PDZD2: variants seen among roughly 807,000 people sequenced by gnomAD.
PDZD2 encodes the protein PDZ domain containing 2, also known as PDZ domain-containing protein 2.
PDZD2 carries 90 observed loss-of-function variants against 220.7 expected under a neutral mutation model. The ratio of observed to expected loss-of-function variants is 0.41; its 90% confidence interval spans 0.34 to 0.49. PDZD2 has a LOEUF of 0.49. Among genes scored for constraint, PDZD2 ranks in the 20% least tolerant of loss-of-function variants. PDZD2 has a pLI of 0.28. For synonymous variants in PDZD2, 1,375 were observed against 1,450.5 expected, an observed-to-expected ratio of 0.95 and a Z score of 1.18; for missense variants, 3,174 against 3,608.5, an observed-to-expected ratio of 0.88 and a Z score of 3.08.
At chr5:31,675,550 A>G (rs920764362) in intron 1 of PDZD2, among the ~76,000 whole-genome samples, 3 of 152,230 alleles carry the variant, frequency 2.0e-5, no homozygotes, top group African/African-American at 7.2e-5. Flanking sequence ...AATAGAAAAA[A>G]TGCTCCAAGA....
intron 1 of PDZD2, among the ~76,000 whole-genome samples, chr5:31,698,062 C>A (rs1448523821): frequency 7.0e-6 from 1 of 143,094 alleles, no homozygotes; most frequent in Non-Finnish European, 1.5e-5. Context: ...GCCACCGCAC[C>A]CAGCTAATTT....
intron 2 of PDZD2, among the ~76,000 whole-genome samples, chr5:31,979,420 AT>A (rs1020346435): frequency 1.3e-5 from 2 of 151,960 alleles, no homozygotes; most frequent in Non-Finnish European, 2.9e-5. Flanking sequence ...CTCTACTAAG[AT>A]ACAAAAAAAT....
chr5:31,894,256 A>G (rs1741333541), intron 2 of PDZD2, among the ~76,000 whole-genome samples: 1 of 151,746 alleles, frequency 6.6e-6, no homozygotes, highest in South Asian at 2.1e-4. Flanking sequence ...TGGAATTTGC[A>G]CTGAAGTTTC....
intron 1 of PDZD2, among the ~76,000 whole-genome samples, chr5:31,767,684 G>A (rs1418795046): frequency 6.6e-6 from 1 of 152,148 alleles, no homozygotes; most frequent in African/African-American, 2.4e-5. Flanking sequence ...GTTTTCAGAT[G>A]GCCATCTCCT....
In PDZD2 at chr5:31,983,407, C is replaced by T. The variant is rs370344810; in HGVS notation, c.729C>T (p.Ser243=). ...ESKGSAGCEV[S]SDPSTELENG... ...AGGGCAGCGCTGGCTGTGAGGTGTC[C>T]AGTGACCCCAGCACTGAGCTGGAGA... Residue 243 remains serine, a synonymous_variant, in exon 3 of 25, where the codon TCC becomes TCT. Coordinates refer to ENST00000438447, the MANE Select transcript of PDZD2 (RefSeq NM_178140.4). The T allele has an allele frequency of 9.3e-6, 15 of 1,614,066 alleles. No homozygotes were observed. The highest frequency in any genetic ancestry group is 1.3e-5 in the Non-Finnish European group (15 of 1,180,038).
At chr5:31,660,082 A>G (rs1285604412) in intron 1 of PDZD2, among the ~76,000 whole-genome samples, 1 of 152,206 alleles carries the variant, frequency 6.6e-6, no homozygotes, top group African/African-American at 2.4e-5. Context: ...CCCACAGTCC[A>G]CTGTTTTTGG....
At chr5:31,689,515 C>T (rs1182674250) in intron 1 of PDZD2, among the ~76,000 whole-genome samples, 3 of 151,042 alleles carry the variant, frequency 2.0e-5, no homozygotes, top group Non-Finnish European at 4.4e-5. Flanking sequence ...TATTGCTGTA[C>T]GAGCAAAACT....
chr5:32,039,108 C>G (rs1360026459), intron 7 of PDZD2, among the ~76,000 whole-genome samples: 1 of 151,910 alleles, frequency 6.6e-6, no homozygotes, highest in African/African-American at 2.4e-5. Context: ...CCCCCTCTCC[C>G]CCTCTCCCTC....
At chr5:31,908,119 G>T (rs1416692663) in intron 2 of PDZD2, among the ~76,000 whole-genome samples, 1 of 147,492 alleles carries the variant, frequency 6.8e-6, no homozygotes, top group Non-Finnish European at 1.5e-5. Context: ...GAAAGAAAAG[G>T]ATCAGGTAGT....
chr5:32,086,135 T>G (rs989945324), intron 19 of PDZD2, among the ~76,000 whole-genome samples: 1 of 152,128 alleles, frequency 6.6e-6, no homozygotes, highest in African/African-American at 2.4e-5. Flanking sequence ...GTATCCCAGC[T>G]TTCGTATTCT....
intron 2 of PDZD2, among the ~76,000 whole-genome samples, chr5:31,943,494 A>G (rs1396576894): frequency 6.6e-6 from 1 of 152,124 alleles, no homozygotes. Context: ...TATTTTAGTT[A>G]CCCTGTGTAA....
At chr5:31,794,560 C>G (rs755115170) in intron 1 of PDZD2, among the ~76,000 whole-genome samples, 4 of 151,714 alleles carry the variant, frequency 2.6e-5, no homozygotes, top group Admixed American at 6.6e-5. Context: ...ACCACCACTC[C>G]CGGCTAATTT....
chr5:32,002,647 C>CA (rs56413532), intron 5 of PDZD2, among the ~76,000 whole-genome samples: 20 of 99,072 alleles, frequency 2.0e-4, no homozygotes, highest in African/African-American at 6.1e-4. Flanking sequence ...AACACACACA[C>CA]CCCACATACT....
At chr5:31,777,927 C>G (rs1387686147) in intron 1 of PDZD2, among the ~76,000 whole-genome samples, 2 of 152,182 alleles carry the variant, frequency 1.3e-5, no homozygotes, top group South Asian at 2.1e-4. Context: ...CCAATCAGTG[C>G]TCTGTGTCTA....
rs1561499374 is a variant in PDZD2 at position 31,840,440 on chromosome 5, A to ATT, written c.476+40717_476+40718insTT. ...TATATATATATATATATATATATAT[A>ATT]TATATATATTTGTTTATAGTCCAGA... is the stretch of plus-strand genomic sequence containing the variant. On this transcript the variant is annotated intron_variant, in intron 2 of 24. Transcript: ENST00000438447. 7.6e-3 allele frequency: 505 copies of ATT among 66,066 alleles called. 17 individuals are homozygous for ATT. Among genetic ancestry groups the ATT allele is most frequent in the Non-Finnish European group, 9.2e-3 (331 of 36,070 alleles). The allele number at this position is 66,066 out of a possible 1,614,324, so 4.1% of individuals were successfully genotyped here.
At chr5:32,100,977 C>T (rs1342006698) in intron 23 of PDZD2, 128 bp from the exon 24 acceptor site, 2 of 1,600,054 alleles carry the variant, frequency 1.2e-6, no homozygotes, top group South Asian at 2.2e-5. Flanking sequence ...AGTAAGTGCC[C>T]CAGGGTAGAT....
intron 3 of PDZD2, among the ~76,000 whole-genome samples, chr5:31,989,423 T>TTTTTTTTTTTTTTTTTTTTTTTTTA (rs1751015447): frequency 1.5e-5 from 2 of 134,704 alleles, no homozygotes; most frequent in African/African-American, 6.7e-5. Context: ...TTTCTTTTCT[T>TTTTTTTTTTTTTTTTTTTTTTTTTA]TTTTTTTTTT....
chr5:32,090,365 G>C lies in PDZD2; in HGVS notation c.6917G>C (p.Cys2306Ser). 1 of 1,614,184 alleles carries C rather than the reference G, an allele frequency of 6.2e-7. No individual in the cohort carries two copies. Among genetic ancestry groups the C allele is most frequent in the Non-Finnish European group, 8.5e-7 (1 of 1,179,994 alleles). Residue 2306 changes from cysteine to serine, a missense_variant, in exon 20 of 25, where the codon TGC becomes TCC. Physicochemically the swap from Cys to Ser is moderately radical, Grantham distance 112 (BLOSUM62 -1). Coordinates refer to ENST00000438447, the MANE Select transcript of PDZD2 (RefSeq NM_178140.4). This position sits in a 1 kb window ranked among gnomAD's most constrained non-coding sequence, Gnocchi z 4.3. ...GDIISVQETS[C>S]LVTDKIKVTR... ...ATCATTTCAGTCCAGGAGACGAGCT[G>C]CCTAGTCACAGACAAAATCAAAGTC...
chr5:31,694,398 C>CAAACAAAA (rs938026693), intron 1 of PDZD2, among the ~76,000 whole-genome samples: 44 of 146,082 alleles, frequency 3.0e-4, no homozygotes, highest in Non-Finnish European at 5.2e-4. Flanking sequence ...TCTCAAAAAA[C>CAAACAAAA]AAACAAAAAA....
Sources: allele counts gnomAD v4.1 joint callset (sites outside exome capture counted in the v4.1 genomes callset), GRCh38; gene constraint gnomAD v4.1.1; non-coding constraint Gnocchi (gnomAD v3.1); transcripts MANE v1.5; gene names NCBI Gene and HGNC (gene_info 2026-07-23, HGNC 2026-07-21).